PARD3: variants seen among roughly 807,000 people sequenced by gnomAD.
The protein encoded by PARD3 is par-3 family cell polarity regulator.
Under a neutral mutation model 155.4 loss-of-function variants are expected in PARD3, and 75 were observed. That is an observed-to-expected ratio of 0.48 (90% CI 0.40 to 0.58). PARD3 has a LOEUF of 0.58. Among genes scored for constraint, PARD3 ranks in the 20% least tolerant of loss-of-function variants. The pLI, the probability that PARD3 is intolerant of heterozygous loss-of-function variation, is 0.00. For missense variants in PARD3, 1,642 were observed against 1,721.7 expected (o/e 0.95, Z 0.82); for synonymous variants, 576 against 610.5 (o/e 0.94, Z 0.83).
intron 22 of PARD3, among the ~76,000 whole-genome samples, chr10:34,138,698 CA>C (rs1948028572): frequency 6.6e-6 from 1 of 152,130 alleles, no homozygotes; most frequent in Non-Finnish European, 1.5e-5. Context: ...AGCACAGGTA[CA>C]TGGTAAAGAT....
In PARD3 at chr10:34,238,351, C is replaced by G. The variant is rs546509132; in HGVS notation, c.3419+31306G>C. Among the ~76,000 whole-genome samples, 14 of 152,302 alleles carry G rather than the reference C, an allele frequency of 9.2e-5. No homozygotes were observed. The East Asian group carries it at 2.5e-3, about 27-fold the overall frequency. On this transcript the variant is annotated intron_variant, in intron 22 of 24. Transcript: ENST00000374788. ...GGTGCATTTCATAGCCTAACAGATT[C>G]AGGCTCAACAAGGCTCTCCTGGTTG...
At chr10:34,628,095 G>A (rs2132785205) in intron 2 of PARD3, among the ~76,000 whole-genome samples, 1 of 152,312 alleles carries the variant, frequency 6.6e-6, no homozygotes. Flanking sequence ...AATAAATGCA[G>A]GATGTTCACC....
intron 2 of PARD3, among the ~76,000 whole-genome samples, chr10:34,543,765 AG>A (rs1488613357): frequency 9.9e-5 from 15 of 152,238 alleles, no homozygotes; most frequent in African/African-American, 3.4e-4. Context: ...ATGAGATCTC[AG>A]GGCATGTGAA....
At chr10:34,401,370 A>T (rs575040091) in intron 6 of PARD3, among the ~76,000 whole-genome samples, 1 of 152,184 alleles carries the variant, frequency 6.6e-6, no homozygotes, top group Non-Finnish European at 1.5e-5. Context: ...TCAAACAACA[A>T]TAAATACATA....
intron 1 of PARD3, among the ~76,000 whole-genome samples, chr10:34,785,983 G>A (rs1293327718): frequency 1.3e-5 from 2 of 152,074 alleles, no homozygotes; most frequent in Non-Finnish European, 2.9e-5. Flanking sequence ...GTAAGACCCT[G>A]TCTCAAAAAA....
rs140328676 is a variant in PARD3, at chr10:34,406,605, C to T, written c.715-4688G>A. ...CGGGGTCTTGCTATGTTGCCCAGTT[C>T]TGACCTCAGACTCCTAGGCTCAAAC... On this transcript the variant is annotated intron_variant, in intron 5 of 24. Coordinates refer to ENST00000374788, the MANE Select transcript of PARD3 (RefSeq NM_001184785.2). Among the ~76,000 whole-genome samples the T allele has an allele frequency of 2.5e-3, 373 of 152,160 alleles. 3 individuals are homozygous for T. Among genetic ancestry groups the T allele is most frequent in the Non-Finnish European group, 4.3e-3 (293 of 68,006 alleles).
At chr10:34,548,197 T>C (rs112600546) in intron 2 of PARD3, among the ~76,000 whole-genome samples, 2,184 of 152,242 alleles carry the variant, frequency 0.014, 49 homozygotes, top group African/African-American at 0.049. Context: ...CTGTTTAAAA[T>C]AGTATGGGCA....
At chr10:34,546,794 A>C (rs1252539511) in intron 2 of PARD3, among the ~76,000 whole-genome samples, 1 of 152,148 alleles carries the variant, frequency 6.6e-6, no homozygotes, top group African/African-American at 2.4e-5. Flanking sequence ...TTATTTCATA[A>C]ATTTTTTTAG....
chr10:34,602,242 T>A (rs1334079283), intron 2 of PARD3, among the ~76,000 whole-genome samples: 1 of 152,180 alleles, frequency 6.6e-6, no homozygotes, highest in African/African-American at 2.4e-5. Context: ...CTTTTCACTT[T>A]TCAAAAAAAA....
chr10:34,409,646 C>T (rs1844849036), intron 5 of PARD3, among the ~76,000 whole-genome samples: 1 of 152,214 alleles, frequency 6.6e-6, no homozygotes, highest in South Asian at 2.1e-4. Context: ...GCTTAGGGTT[C>T]TCCCACCACA....
chr10:34,607,956 G>A (rs1590211982), intron 2 of PARD3, among the ~76,000 whole-genome samples: 1 of 152,136 alleles, frequency 6.6e-6, no homozygotes, highest in African/African-American at 2.4e-5. Flanking sequence ...TCAATGTCTT[G>A]AAATTCTTAA....
At chr10:34,794,611 A>G (rs904116328) in intron 1 of PARD3, among the ~76,000 whole-genome samples, 12 of 152,228 alleles carry the variant, frequency 7.9e-5, no homozygotes, top group Admixed American at 6.5e-4. Flanking sequence ...ATATTCCCAT[A>G]AAGAAATGAG....
chr10:34,674,644 G>T (rs1355175682), intron 2 of PARD3, among the ~76,000 whole-genome samples: 2 of 152,036 alleles, frequency 1.3e-5, no homozygotes, highest in Admixed American at 1.3e-4. Flanking sequence ...CTGCCACCAT[G>T]CCCAGCTAAT....
intron 22 of PARD3, among the ~76,000 whole-genome samples, chr10:34,201,622 C>A (rs749057930): frequency 3.3e-5 from 5 of 152,050 alleles, no homozygotes; most frequent in African/African-American, 1.2e-4. Context: ...AATTAACATA[C>A]AGTAAAATGG....
chr10:34,383,058 C>G (rs374872004), intron 8 of PARD3, 136 bp from the exon 9 acceptor site: 24 of 835,206 alleles, frequency 2.9e-5, no homozygotes, highest in East Asian at 1.6e-4. Context: ...TTCTAATAAC[C>G]CATTTATCAA....
chr10:34,362,006 GGTGGCTCACGCCC>G (rs1554838985), intron 12 of PARD3, among the ~76,000 whole-genome samples: 1 of 152,140 alleles, frequency 6.6e-6, no homozygotes, highest in Non-Finnish European at 1.5e-5. Context: ...GGCTGGGCGT[GGTGGCTCACGCCC>G]ATAATCCCAG....
intron 1 of PARD3, among the ~76,000 whole-genome samples, chr10:34,749,468 A>T (rs1339890888): frequency 6.6e-6 from 1 of 151,538 alleles, no homozygotes; most frequent in Non-Finnish European, 1.5e-5. Flanking sequence ...GTTATAAAAA[A>T]TATATAATAA....
intron 4 of PARD3, among the ~76,000 whole-genome samples, chr10:34,468,094 AGGCTCC>A (rs1374672445): frequency 2.0e-5 from 3 of 152,110 alleles, no homozygotes; most frequent in Non-Finnish European, 4.4e-5. Context: ...TGTAGTAGGC[AGGCTCC>A]GGTGGGAGGA....
At position 34,145,219 on chromosome 10, in the gene PARD3, A is replaced by ATTTTTTT. The variant is rs1482241627; in HGVS notation, c.3420-13637_3420-13636insAAAAAAA. 1.9e-3 allele frequency among the ~76,000 whole-genome samples: 100 copies of ATTTTTTT among 53,520 alleles called. 1 individual carries two copies. The highest frequency in any genetic ancestry group is 2.0e-3 in the Non-Finnish European group (61 of 30,706). The allele number at this position is 53,520 out of a possible 152,430, so 35.1% of individuals were successfully genotyped here. ...TATATATATATATATATATATATAT[A>ATTTTTTT]TATTTTTTTTTTTTTTTTTTTTACA... On this transcript the variant is annotated intron_variant, in intron 22 of 24. Coordinates refer to ENST00000374788, the MANE Select transcript of PARD3 (RefSeq NM_001184785.2).
Sources: gnomAD v4.1 joint callset for allele counts (sites outside exome capture counted in the v4.1 genomes callset) on GRCh38, gnomAD v4.1.1 for gene constraint, MANE v1.5 for transcripts, NCBI Gene and HGNC (gene_info 2026-07-23, HGNC 2026-07-21) for gene names.